The following ATP6V1H variants were observed in gnomAD, a reference collection of about 807,000 sequenced individuals.
The protein encoded by ATP6V1H is ATPase H+ transporting V1 subunit H, also known as V-type proton ATPase subunit H.
In ATP6V1H, 39 loss-of-function variants were observed where a neutral mutation model predicts 71.7. The observed-to-expected ratio is 0.54, with a 90% CI of 0.42 to 0.71. The LOEUF (loss-of-function observed/expected upper bound fraction) is 0.71, where lower values mean the gene tolerates loss of function less well. ATP6V1H is among the 30% of genes least tolerant of loss of function. The pLI is 0.00. For missense variants in ATP6V1H, 509 were observed against 594.9 expected (o/e 0.86, Z 1.50); for synonymous variants, 192 against 199.3 (o/e 0.96, Z 0.31).
In ATP6V1H at chr8:53,817,548, TG is replaced by T. The variant is rs1554568072; in HGVS notation, c.307-19del. On this transcript the variant is annotated intron_variant, in intron 4 of 13. Coordinates refer to ENST00000359530, the MANE Select transcript of ATP6V1H (RefSeq NM_015941.4). ...TGATTTTCCTAAAAAAGAAAAGAAATGATATCACCAGTCAGAACACATTTTG... is the reference window on the plus strand; with the variant it reads ...TGATTTTCCTAAAAAAGAAAAGAAATATATCACCAGTCAGAACACATTTTG... 1 of 1,509,052 alleles carries T rather than the reference TG, an allele frequency of 6.6e-7. No individual in the cohort carries two copies. Among genetic ancestry groups the T allele is most frequent in the Non-Finnish European group, 9.2e-7 (1 of 1,091,190 alleles). The allele number at this position is 1,509,052 out of a possible 1,614,324, so 93.5% of individuals were successfully genotyped here.
At chr8:53,840,010 T>G (rs1226531789) in intron 2 of ATP6V1H, 1 of 721,446 alleles carries the variant, frequency 1.4e-6, no homozygotes, top group East Asian at 1.3e-4. Flanking sequence ...CTGTTTTTGC[T>G]TCCCTGCCTT....
At chr8:53,737,212 C>T (rs771329221) in intron 13 of ATP6V1H, among the ~76,000 whole-genome samples, 8 of 152,208 alleles carry the variant, frequency 5.3e-5, no homozygotes, top group African/African-American at 7.2e-5. Flanking sequence ...GTTTTGTCTG[C>T]GGCTCGTCCT....
At chr8:53,831,747 C>CTTTTTTTTTTTTTTT (rs34474317) in intron 3 of ATP6V1H, 58 of 109,804 alleles carry the variant, frequency 5.3e-4, no homozygotes, top group African/African-American at 8.1e-4. Context: ...TAATTACACT[C>CTTTTTTTTTTTTTTT]TTTTTTTTTT....
Position 53,823,997 on chromosome 8 carries a change from GA to G in ATP6V1H, c.306+5446del, listed in dbSNP as rs770998284. 3.8e-3 allele frequency among the ~76,000 whole-genome samples: 514 copies of G among 133,754 alleles called. 2 individuals carry two copies. Among genetic ancestry groups the G allele is most frequent in the East Asian group, 0.019 (92 of 4,728 alleles). The allele number at this position is 133,754 out of a possible 152,430, so 87.7% of individuals were successfully genotyped here. On this transcript the variant is annotated intron_variant, in intron 4 of 13. Coordinates refer to ENST00000359530, the MANE Select transcript of ATP6V1H (RefSeq NM_015941.4). ...TGGGGGAGAAACACTGGTTAATCAA[GA>G]AAAAAAAAAAGCAGAAAGCACAAAT...
At chr8:53,729,972 T>C (rs561139100) in intron 13 of ATP6V1H, among the ~76,000 whole-genome samples, 22 of 152,276 alleles carry the variant, frequency 1.4e-4, no homozygotes, top group East Asian at 1.4e-3. Context: ...ACCCAAACCA[T>C]GTCAGCTGAT....
At chr8:53,734,603 G>A (rs984311234) in intron 13 of ATP6V1H, among the ~76,000 whole-genome samples, 1 of 152,122 alleles carries the variant, frequency 6.6e-6, no homozygotes, top group African/African-American at 2.4e-5. Flanking sequence ...AACTCCAGAG[G>A]AAAAAACATA....
intron 13 of ATP6V1H, among the ~76,000 whole-genome samples, chr8:53,737,213 G>A (rs1024211450): frequency 4.6e-5 from 7 of 152,164 alleles, no homozygotes; most frequent in East Asian, 1.9e-4. Context: ...TTTTGTCTGC[G>A]GCTCGTCCTG....
intron 2 of ATP6V1H, among the ~76,000 whole-genome samples, chr8:53,841,096 T>G (rs1373200423): frequency 7.9e-5 from 12 of 152,210 alleles, no homozygotes; most frequent in Admixed American, 6.5e-4. Context: ...TCAGAGAAGT[T>G]AAGTGATTTG....
chr8:53,749,702 T>C (rs1428404243), intron 12 of ATP6V1H, among the ~76,000 whole-genome samples: 1 of 151,178 alleles, frequency 6.6e-6, no homozygotes. Context: ...AAATGGGGAA[T>C]TCCTGGAATA....
intron 13 of ATP6V1H, among the ~76,000 whole-genome samples, chr8:53,718,192 T>C (rs1224925149): frequency 6.6e-6 from 1 of 152,174 alleles, no homozygotes; most frequent in Non-Finnish European, 1.5e-5. Context: ...GTGGTGAAGA[T>C]AATTGATTTC....
rs574645203 is a variant in ATP6V1H, at chr8:53,766,745, TC to T, written c.1175+2872del. ...AATAAACTCCAGTCTCCCATAGCGT[TC>T]CCAGGCTTATTAGGAAGAGGAAATT... On this transcript the variant is annotated intron_variant, in intron 11 of 13. Coordinates refer to ENST00000359530, the MANE Select transcript of ATP6V1H (RefSeq NM_015941.4). 4.6e-5 allele frequency among the ~76,000 whole-genome samples: 7 copies of T among 152,340 alleles called. No individual in the cohort carries two copies. In the South Asian group the frequency reaches 8.3e-4, roughly 18 times the overall value.
chr8:53,826,176 G>T (rs748996330), intron 4 of ATP6V1H, among the ~76,000 whole-genome samples: 25 of 152,086 alleles, frequency 1.6e-4, no homozygotes, highest in Non-Finnish European at 4.4e-5. Context: ...TGTTGAGAAG[G>T]TTACAGGGAA....
At chr8:53,729,370 T>G (rs1334073707) in intron 13 of ATP6V1H, among the ~76,000 whole-genome samples, 1 of 152,178 alleles carries the variant, frequency 6.6e-6, no homozygotes, top group Admixed American at 6.5e-5. Context: ...AGAGGCTATA[T>G]GAAGCAGATT....
intron 11 of ATP6V1H, among the ~76,000 whole-genome samples, chr8:53,758,062 C>T (rs1050323821): frequency 1.3e-5 from 2 of 152,208 alleles, no homozygotes; most frequent in African/African-American, 4.8e-5. Flanking sequence ...CTTTAGTTCT[C>T]TCTGCCTTCA....
intron 9 of ATP6V1H, among the ~76,000 whole-genome samples, chr8:53,795,224 C>T (rs1809689720): frequency 6.6e-6 from 1 of 152,152 alleles, no homozygotes; most frequent in Non-Finnish European, 1.5e-5. Context: ...GATAACTTTA[C>T]TGTTTAAATA....
chr8:53,731,731 G>A (rs930607941), intron 13 of ATP6V1H, among the ~76,000 whole-genome samples: 2 of 152,320 alleles, frequency 1.3e-5, no homozygotes, highest in African/African-American at 2.4e-5. Flanking sequence ...TCTGCAGCTC[G>A]TCCTGCTACA....
intron 4 of ATP6V1H, 128 bp from the exon 5 acceptor site, chr8:53,817,658 G>A (rs1238980703): frequency 1.7e-6 from 1 of 577,344 alleles, no homozygotes; most frequent in Admixed American, 3.1e-5. Flanking sequence ...TGTGTGATTT[G>A]TCTGTCATTA....
At chr8:53,825,508 T>A (rs2130507120) in intron 4 of ATP6V1H, among the ~76,000 whole-genome samples, 2 of 151,218 alleles carry the variant, frequency 1.3e-5, no homozygotes, top group South Asian at 4.2e-4. Context: ...CGAAGGGAAC[T>A]AGCCATAAGA....
intron 13 of ATP6V1H, among the ~76,000 whole-genome samples, chr8:53,738,726 T>C (rs545704818): frequency 6.6e-6 from 1 of 152,356 alleles, no homozygotes; most frequent in South Asian, 2.1e-4. Flanking sequence ...TTTAGGCTGA[T>C]ACTTTGCAAC....
Sources: allele counts gnomAD v4.1 joint callset (sites outside exome capture counted in the v4.1 genomes callset), GRCh38; gene constraint gnomAD v4.1.1; transcripts MANE v1.5; gene names NCBI Gene and HGNC (gene_info 2026-07-23, HGNC 2026-07-21).